Variants in ADAMTSL1 observed in about 807,000 individuals in gnomAD.
The protein encoded by ADAMTSL1 is ADAMTS like 1, also known as ADAMTS-like protein 1.
Under a neutral mutation model 201.8 loss-of-function variants are expected in ADAMTSL1, and 126 were observed. That is an observed-to-expected ratio of 0.62 (90% CI 0.54 to 0.72). ADAMTSL1 has a LOEUF of 0.72. ADAMTSL1 is among the 30% of genes least tolerant of loss of function. ADAMTSL1 has a pLI of 0.00. For missense variants in ADAMTSL1, 2,679 were observed against 2,277.8 expected, an observed-to-expected ratio of 1.18 and a Z score of -3.59; for synonymous variants, 1,121 against 903.4, an observed-to-expected ratio of 1.24 and a Z score of -4.32.
intron 1 of ADAMTSL1, among the ~76,000 whole-genome samples, chr9:18,120,091 T>C (rs1374742766): frequency 6.6e-6 from 1 of 152,298 alleles, no homozygotes; most frequent in Non-Finnish European, 1.5e-5. Flanking sequence ...AGTTGGATGG[T>C]TCTGGATCAG....
chr9:18,583,584 T>C (rs1823260230), intron 4 of ADAMTSL1, among the ~76,000 whole-genome samples: 1 of 152,078 alleles, frequency 6.6e-6, no homozygotes, highest in Non-Finnish European at 1.5e-5. Context: ...AGGGCCACCA[T>C]CCTCCAGACG....
At chr9:18,034,823 G>A (rs1821122965) in intron 1 of ADAMTSL1, among the ~76,000 whole-genome samples, 1 of 152,082 alleles carries the variant, frequency 6.6e-6, no homozygotes, top group Admixed American at 6.6e-5. Context: ...AAAACTTTTA[G>A]TCTTATTTTT....
intron 1 of ADAMTSL1, among the ~76,000 whole-genome samples, chr9:18,092,828 T>C (rs1824086276): frequency 1.3e-5 from 2 of 152,346 alleles, no homozygotes. Context: ...TAAGTTTTTC[T>C]TTAAGATTTG....
At chr9:18,112,744 C>T (rs1380152013) in intron 1 of ADAMTSL1, among the ~76,000 whole-genome samples, 1 of 152,138 alleles carries the variant, frequency 6.6e-6, no homozygotes, top group African/African-American at 2.4e-5. Flanking sequence ...AATTTACTAG[C>T]TCAATGTCAA....
At chr9:18,262,961 A>T (rs1831981949) in intron 2 of ADAMTSL1, among the ~76,000 whole-genome samples, 1 of 152,258 alleles carries the variant, frequency 6.6e-6, no homozygotes, top group South Asian at 2.1e-4. Flanking sequence ...TTGATGAGTT[A>T]GTCTGTGCCA....
intron 1 of ADAMTSL1, among the ~76,000 whole-genome samples, chr9:18,029,186 A>G (rs1205331643): frequency 1.3e-5 from 2 of 152,146 alleles, no homozygotes; most frequent in Non-Finnish European, 2.9e-5. Flanking sequence ...TTTTCTAGAT[A>G]TACAATCATG....
At chr9:17,913,311 A>T (rs1347027449) in intron 1 of ADAMTSL1, among the ~76,000 whole-genome samples, 1 of 152,122 alleles carries the variant, frequency 6.6e-6, no homozygotes, top group Non-Finnish European at 1.5e-5. Context: ...CATGATATTG[A>T]TTCTTCCTAC....
chr9:18,147,662 G>A (rs1826704992), intron 1 of ADAMTSL1, among the ~76,000 whole-genome samples: 1 of 152,096 alleles, frequency 6.6e-6, no homozygotes, highest in East Asian at 1.9e-4. Flanking sequence ...ACACAGAATG[G>A]AGGCTCAATT....
intron 1 of ADAMTSL1, among the ~76,000 whole-genome samples, chr9:18,050,081 G>A (rs1821864781): frequency 6.6e-6 from 1 of 152,052 alleles, no homozygotes; most frequent in Non-Finnish European, 1.5e-5. Flanking sequence ...GTCATCCAGT[G>A]GAAAATGTTA....
intron 1 of ADAMTSL1, among the ~76,000 whole-genome samples, chr9:18,085,967 GATA>G (rs1245493887): frequency 2.6e-5 from 4 of 151,968 alleles, no homozygotes; most frequent in Non-Finnish European, 5.9e-5. Context: ...CAGATTATAA[GATA>G]ATATCTTGAA....
intron 20 of ADAMTSL1, among the ~76,000 whole-genome samples, chr9:18,805,715 C>T (rs930256134): frequency 1.3e-5 from 2 of 152,170 alleles, no homozygotes; most frequent in South Asian, 4.1e-4. Flanking sequence ...ACTAGCTCAT[C>T]GTGTGTTTTT....
intron 9 of ADAMTSL1, among the ~76,000 whole-genome samples, chr9:18,670,762 T>C (rs1361009155): frequency 6.6e-6 from 1 of 152,216 alleles, no homozygotes; most frequent in African/African-American, 2.4e-5. Flanking sequence ...AGAACCAATA[T>C]AGCTTCTGCC....
chr9:18,716,554 G>C (rs1408083669), intron 14 of ADAMTSL1, among the ~76,000 whole-genome samples: 4 of 146,736 alleles, frequency 2.7e-5, no homozygotes, highest in Non-Finnish European at 6.0e-5. Context: ...TCTCACACCA[G>C]TTAGAATGGC....
At chr9:18,858,598 C>T (rs1206983508) in intron 23 of ADAMTSL1, among the ~76,000 whole-genome samples, 1 of 152,184 alleles carries the variant, frequency 6.6e-6, no homozygotes, top group Non-Finnish European at 1.5e-5. Flanking sequence ...GGGTAGAGAA[C>T]AAGAGGAGTA....
At chr9:18,155,312 C>T (rs536885503) in intron 1 of ADAMTSL1, among the ~76,000 whole-genome samples, 2 of 152,128 alleles carry the variant, frequency 1.3e-5, no homozygotes, top group South Asian at 2.1e-4. Context: ...GGATCTGAAA[C>T]ACATCTGCCT....
At chr9:18,554,556 T>C (rs1318110361) in intron 3 of ADAMTSL1, among the ~76,000 whole-genome samples, 2 of 151,824 alleles carry the variant, frequency 1.3e-5, no homozygotes, top group East Asian at 3.9e-4. Context: ...TCCCAAATTG[T>C]CATGAGTCCT....
chr9:17,922,276 GCTCATGA>G (rs1200960406), intron 1 of ADAMTSL1, among the ~76,000 whole-genome samples: 1 of 152,092 alleles, frequency 6.6e-6, no homozygotes, highest in Admixed American at 6.6e-5. Context: ...TTTCAGTTCT[GCTCATGA>G]CCATAGGATT....
At chr9:18,103,193 G>T (rs1181240999) in intron 1 of ADAMTSL1, among the ~76,000 whole-genome samples, 1 of 152,106 alleles carries the variant, frequency 6.6e-6, no homozygotes, top group African/African-American at 2.4e-5. Context: ...CAGAATGTTA[G>T]AAAAACACAT....
At chr9:18,246,863 C>T (rs1831274139) in intron 2 of ADAMTSL1, among the ~76,000 whole-genome samples, 1 of 152,012 alleles carries the variant, frequency 6.6e-6, no homozygotes, top group African/African-American at 2.4e-5. Context: ...TCAGTAGGCC[C>T]AATGTAATAA....
Sources: allele counts gnomAD v4.1 joint callset (sites outside exome capture counted in the v4.1 genomes callset), GRCh38; gene constraint gnomAD v4.1.1; transcripts MANE v1.5; gene names NCBI Gene and HGNC (gene_info 2026-07-23, HGNC 2026-07-21).